The following CDK14 variants were observed in gnomAD, a reference collection of about 807,000 sequenced individuals.
The protein encoded by CDK14 is cyclin dependent kinase 14, also known as cyclin-dependent kinase 14.
Under a neutral mutation model 60.7 loss-of-function variants are expected in CDK14, and 34 were observed. The ratio of observed to expected loss-of-function variants is 0.56; its 90% CI spans 0.43 to 0.75. The LOEUF is 0.75. Ranked by LOEUF, CDK14 falls within the 30% of genes least tolerant of loss-of-function variation. The pLI, the probability that CDK14 is intolerant of heterozygous loss-of-function variation, is 0.00. For synonymous variants in CDK14, 197 were observed against 203.7 expected (o/e 0.97, Z 0.28); for missense variants, 482 against 564.1 (o/e 0.85, Z 1.47).
intron 3 of CDK14, among the ~76,000 whole-genome samples, chr7:90,737,928 T>G (rs1488130145): frequency 6.6e-6 from 1 of 152,198 alleles, no homozygotes; most frequent in Non-Finnish European, 1.5e-5. Context: ...TTCAATGAAG[T>G]CAGTATGAAG....
In CDK14 at chr7:90,932,757, C is replaced by T. The variant is rs921780328; in HGVS notation, c.826+15033C>T. On this transcript the variant is annotated intron_variant, in intron 8 of 14. Coordinates refer to ENST00000380050, the MANE Select transcript of CDK14 (RefSeq NM_001287135.2). ...CTGGGTGCCTCTGCCTCCAGGTGTC[C>T]CTTCAGTCTGCACAGTCAGCTAGGC... is the stretch of plus-strand genomic sequence containing the variant. 3.3e-5 allele frequency among the ~76,000 whole-genome samples: 5 copies of T among 152,202 alleles called. No homozygotes were observed. The East Asian group carries it at 9.6e-4, about 29-fold the overall frequency.
At chr7:91,106,757 A>G (rs1799313736) in intron 12 of CDK14, among the ~76,000 whole-genome samples, 1 of 152,196 alleles carries the variant, frequency 6.6e-6, no homozygotes, top group African/African-American at 2.4e-5. Flanking sequence ...GATGTAAAGT[A>G]TGGAAATTTA....
At chr7:91,102,366 T>A (rs940350137) in intron 12 of CDK14, among the ~76,000 whole-genome samples, 1 of 152,242 alleles carries the variant, frequency 6.6e-6, no homozygotes, top group African/African-American at 2.4e-5. Context: ...AGGAACATTC[T>A]AGAACTTTTT....
intron 5 of CDK14, among the ~76,000 whole-genome samples, chr7:90,800,188 C>T (rs1401389164): frequency 1.3e-5 from 2 of 151,882 alleles, no homozygotes; most frequent in African/African-American, 4.8e-5. Flanking sequence ...ATTATTCATT[C>T]TATTAGAATT....
intron 7 of CDK14, among the ~76,000 whole-genome samples, chr7:90,906,815 A>G (rs1045880224): frequency 5.3e-5 from 8 of 152,202 alleles, no homozygotes; most frequent in African/African-American, 1.4e-4. Context: ...TAGTAAAACA[A>G]TATAATTTTG....
chr7:90,962,561 A>T (rs905337744), intron 9 of CDK14, among the ~76,000 whole-genome samples: 6 of 152,138 alleles, frequency 3.9e-5, no homozygotes, highest in Admixed American at 1.3e-4. Flanking sequence ...TATGTTTGTG[A>T]GAGAGAGTAT....
At chr7:90,976,356 G>C (rs750395239) in intron 9 of CDK14, among the ~76,000 whole-genome samples, 2 of 151,636 alleles carry the variant, frequency 1.3e-5, no homozygotes, top group Non-Finnish European at 2.9e-5. Context: ...TTGTCCCCCC[G>C]CTTTTTTTTC....
intron 5 of CDK14, among the ~76,000 whole-genome samples, chr7:90,826,851 C>G (rs963165455): frequency 2.6e-5 from 4 of 151,990 alleles, no homozygotes; most frequent in African/African-American, 9.7e-5. Flanking sequence ...CATTACAATT[C>G]AATTGATACA....
At chr7:90,735,751 C>T (rs951532678) in intron 3 of CDK14, among the ~76,000 whole-genome samples, 1 of 152,246 alleles carries the variant, frequency 6.6e-6, no homozygotes, top group Non-Finnish European at 1.5e-5. Flanking sequence ...TGGATCTTAG[C>T]TTGCTGGGCA....
At chr7:90,696,825 G>C (rs1247428797) in intron 2 of CDK14, among the ~76,000 whole-genome samples, 1 of 152,194 alleles carries the variant, frequency 6.6e-6, no homozygotes, top group East Asian at 1.9e-4. Context: ...GGGAAGGGAA[G>C]AGTGTCCAGC....
intron 5 of CDK14, among the ~76,000 whole-genome samples, chr7:90,810,080 A>G (rs1789027558): frequency 6.6e-6 from 1 of 152,224 alleles, no homozygotes; most frequent in Admixed American, 6.5e-5. Flanking sequence ...AAACTATTCC[A>G]ATCAATAGAA....
At chr7:90,867,840 G>A (rs910980261) in intron 6 of CDK14, among the ~76,000 whole-genome samples, 1 of 152,020 alleles carries the variant, frequency 6.6e-6, no homozygotes, top group African/African-American at 2.4e-5. Context: ...AAATATAAAA[G>A]CAAGGTTGGA....
intron 6 of CDK14, among the ~76,000 whole-genome samples, chr7:90,886,955 A>AT (rs1413985372): frequency 2.6e-5 from 4 of 152,094 alleles, no homozygotes; most frequent in East Asian, 3.9e-4. Flanking sequence ...ATTGTTGGCT[A>AT]TTTTTTCATT....
chr7:91,112,247 G>A (rs1799486280), intron 12 of CDK14, among the ~76,000 whole-genome samples: 2 of 152,058 alleles, frequency 1.3e-5, no homozygotes, highest in Non-Finnish European at 2.9e-5. Context: ...TTGATATGTT[G>A]TCTTCTGAAA....
Position 90,790,637 on chromosome 7 carries a change from A to G in CDK14, c.529A>G (p.Thr177Ala). 6.2e-7 allele frequency: 1 copy of G among 1,611,884 alleles called. No individual in the cohort carries two copies. The highest frequency in any genetic ancestry group is 8.5e-7 in the Non-Finnish European group (1 of 1,178,334). ...GCAGGAAGAAGAAGGGACACCTTTC[A>G]CAGCTATCAGGGAAGGTAGGCACTT... ...RLQEEEGTPF[T>A]AIREASLLKG... is the part of the protein sequence containing the mutation. The change falls in exon 5 of 15, where the codon ACA becomes GCA. Residue 177 changes from threonine (T) to alanine (A), a missense_variant. Transcript: ENST00000380050.
chr7:90,995,408 A>G (rs1795656286), intron 10 of CDK14, among the ~76,000 whole-genome samples: 1 of 152,200 alleles, frequency 6.6e-6, no homozygotes, highest in African/African-American at 2.4e-5. Flanking sequence ...TGAAAGACTG[A>G]GCCAAAGGCA....
chr7:90,811,794 A>C (rs1393008657), intron 5 of CDK14, among the ~76,000 whole-genome samples: 8 of 152,332 alleles, frequency 5.3e-5, no homozygotes, highest in Admixed American at 1.3e-4. Context: ...ACCCCATCAA[A>C]AAGTGGGCGA....
chr7:91,194,283 G>A lies in CDK14; in HGVS notation c.*29-12882G>A, dbSNP rs924042397. Among the ~76,000 whole-genome samples the A allele has an allele frequency of 2.0e-4, 30 of 152,254 alleles. 1 individual carries two copies. The highest frequency in any genetic ancestry group is 6.5e-4 in the African/African-American group (27 of 41,556). On this transcript the variant is annotated intron_variant, in intron 14 of 14. Coordinates refer to ENST00000380050, the MANE Select transcript of CDK14 (RefSeq NM_001287135.2). ...TATAAATTCTAGCACTAAAACTCAA[G>A]AGGTTAGTAATTAAAAAACAAAAGA...
intron 14 of CDK14, among the ~76,000 whole-genome samples, chr7:91,180,777 G>A (rs1034995177): frequency 2.0e-5 from 3 of 152,176 alleles, no homozygotes; most frequent in Admixed American, 2.0e-4. Flanking sequence ...TTTAGAGGAG[G>A]AGAAAGGAAG....
Sources: allele counts gnomAD v4.1 joint callset (sites outside exome capture counted in the v4.1 genomes callset), GRCh38; gene constraint gnomAD v4.1.1; transcripts MANE v1.5; gene names NCBI Gene and HGNC (gene_info 2026-07-23, HGNC 2026-07-21).